Variants in SCHIP1 observed in about 807,000 individuals in gnomAD.
SCHIP1 encodes the protein schwannomin-interacting protein 1.
A neutral mutation model predicts 29.7 loss-of-function variants in SCHIP1; 8 were observed. The observed-to-expected ratio is 0.27, with a 90% CI of 0.16 to 0.49. The LOEUF is 0.49. Ranked by LOEUF, SCHIP1 falls within the 20% of genes least tolerant of loss-of-function variation. The probability of loss-of-function intolerance (pLI) is 0.99; values close to 1 mark genes in which losing one functional copy is unlikely to be tolerated. For synonymous variants in SCHIP1, 76 were observed against 94.9 expected, an observed-to-expected ratio of 0.80 and a Z score of 1.16; for missense variants, 193 against 294.6, an observed-to-expected ratio of 0.66 and a Z score of 2.52.
chr3:159,344,513 C>T, the SCHIP1 span, among the ~76,000 whole-genome samples: 1 of 152,130 alleles, frequency 6.6e-6, no homozygotes, highest in East Asian at 1.9e-4. Context: ...CACTTCATGT[C>T]TGTTGATCTT....
At chr3:159,367,324 A>T in the SCHIP1 span, among the ~76,000 whole-genome samples, 1 of 151,946 alleles carries the variant, frequency 6.6e-6, no homozygotes, top group South Asian at 2.1e-4. Context: ...CCGGGGAGGC[A>T]GAGGTTGCCG....
At chr3:159,589,290 G>C in the SCHIP1 span, among the ~76,000 whole-genome samples, 6 of 152,198 alleles carry the variant, frequency 3.9e-5, no homozygotes, top group Non-Finnish European at 1.5e-5. Context: ...AAGAACGCTT[G>C]TGATTTTTGC....
At chr3:159,474,322 C>T in the SCHIP1 span, among the ~76,000 whole-genome samples, 1 of 152,090 alleles carries the variant, frequency 6.6e-6, no homozygotes, top group Non-Finnish European at 1.5e-5. Flanking sequence ...TTTCTGAAAA[C>T]AACACAATTA....
the SCHIP1 span, among the ~76,000 whole-genome samples, chr3:159,466,737 A>G: frequency 6.6e-6 from 1 of 152,174 alleles, no homozygotes; most frequent in Admixed American, 6.6e-5. Context: ...ACTGAGGAAT[A>G]GGGTTTTATT....
chr3:159,853,819 A>G (rs995818463), intron 1 of SCHIP1, among the ~76,000 whole-genome samples: 1 of 152,072 alleles, frequency 6.6e-6, no homozygotes, highest in African/African-American at 2.4e-5. Context: ...TGTTTAACCT[A>G]TTTTTCCAAT....
chr3:159,754,925 A>C, the SCHIP1 span, among the ~76,000 whole-genome samples: 1 of 152,220 alleles, frequency 6.6e-6, no homozygotes, highest in Non-Finnish European at 1.5e-5. Context: ...GACATACCGG[A>C]GATGCGCAAT....
At chr3:159,525,626 A>G in the SCHIP1 span, among the ~76,000 whole-genome samples, 1 of 152,238 alleles carries the variant, frequency 6.6e-6, no homozygotes, top group East Asian at 1.9e-4. Flanking sequence ...GGGTGCCCAG[A>G]CACAGCGTGA....
the SCHIP1 span, among the ~76,000 whole-genome samples, chr3:159,520,571 A>G: frequency 6.6e-6 from 1 of 152,206 alleles, no homozygotes; most frequent in Non-Finnish European, 1.5e-5. Flanking sequence ...AGATTAAACT[A>G]CAGCCTGATG....
the SCHIP1 span, among the ~76,000 whole-genome samples, chr3:159,395,817 C>A: frequency 6.6e-6 from 1 of 151,752 alleles, no homozygotes; most frequent in Admixed American, 6.6e-5. Context: ...GTGGAGAGTT[C>A]TGTAGATGTC....
At chr3:159,414,292 C>T in the SCHIP1 span, among the ~76,000 whole-genome samples, 1 of 152,152 alleles carries the variant, frequency 6.6e-6, no homozygotes, top group Non-Finnish European at 1.5e-5. Context: ...TACACGTCAA[C>T]ATTATGCCAT....
chr3:159,440,159 A>G, the SCHIP1 span, among the ~76,000 whole-genome samples: 1 of 152,166 alleles, frequency 6.6e-6, no homozygotes, highest in South Asian at 2.1e-4. Context: ...TAAACAGGGA[A>G]TCCTTTTCCC....
chr3:159,794,900 G>T, the SCHIP1 span, among the ~76,000 whole-genome samples: 39,460 of 152,020 alleles, frequency 0.26, 5,360 homozygotes, highest in East Asian at 0.45. Context: ...GGGATGATGG[G>T]TGGAGGCGGG....
chr3:159,758,008 C>T, the SCHIP1 span, among the ~76,000 whole-genome samples: 1 of 152,202 alleles, frequency 6.6e-6, no homozygotes, highest in African/African-American at 2.4e-5. Context: ...GTCATGTATA[C>T]ATGAGCTTCC....
At chr3:159,497,054 A>G in the SCHIP1 span, among the ~76,000 whole-genome samples, 1 of 152,188 alleles carries the variant, frequency 6.6e-6, no homozygotes, top group East Asian at 1.9e-4. Context: ...GAATTGAACA[A>G]TGAGAACACA....
chr3:159,715,930 C>T, the SCHIP1 span, among the ~76,000 whole-genome samples: 9 of 152,288 alleles, frequency 5.9e-5, no homozygotes, highest in African/African-American at 2.2e-4. Flanking sequence ...AGAAGAACAA[C>T]TCCAAGACAC....
At chr3:159,311,469 G>A in the SCHIP1 span, among the ~76,000 whole-genome samples, 4 of 152,132 alleles carry the variant, frequency 2.6e-5, no homozygotes, top group East Asian at 7.7e-4. Context: ...TATTTCTCTT[G>A]AGAATCCTAA....
At chr3:159,722,112 A>C in the SCHIP1 span, 1 of 307,578 alleles carries the variant, frequency 3.3e-6, no homozygotes, top group Non-Finnish European at 6.3e-6. Context: ...CACTGATTTT[A>C]TCTTTGTCCC....
chr3:159,818,440 G>T, the SCHIP1 span, among the ~76,000 whole-genome samples: 2 of 152,338 alleles, frequency 1.3e-5, no homozygotes, highest in East Asian at 3.9e-4. Context: ...CCCCTCTGAG[G>T]ATTTACTAAT....
the SCHIP1 span, among the ~76,000 whole-genome samples, chr3:159,708,753 A>G: frequency 6.6e-6 from 1 of 152,358 alleles, no homozygotes; most frequent in Non-Finnish European, 1.5e-5. Context: ...CCTTAGGCCT[A>G]AAAGGCAATG....
Sources: gnomAD v4.1 joint callset for allele counts (sites outside exome capture counted in the v4.1 genomes callset) on GRCh38, gnomAD v4.1.1 for gene constraint, MANE v1.5 for transcripts, NCBI Gene and HGNC (gene_info 2026-07-23, HGNC 2026-07-21) for gene names.